Variants in CFH observed in about 807,000 individuals in gnomAD.
CFH encodes the protein H factor 1 (complement).
Under a neutral mutation model 147.3 loss-of-function variants are expected in CFH, and 53 were observed. The observed-to-expected ratio is 0.36, with a 90% confidence interval of 0.29 to 0.45. CFH has a LOEUF of 0.45. Among genes scored for constraint, CFH ranks in the 20% least tolerant of loss-of-function variants. The probability of loss-of-function intolerance (pLI) is 1.00; values close to 1 mark genes in which losing one functional copy is unlikely to be tolerated. For synonymous variants in CFH, 536 were observed against 489.4 expected (o/e 1.10, Z -1.26); for missense variants, 1,380 against 1,498.0 (o/e 0.92, Z 1.30).
intron 7 of CFH, 73 bp from the exon 8 acceptor site, chr1:196,689,347 A>C (rs1329316122): frequency 7.3e-7 from 1 of 1,372,212 alleles, no homozygotes; most frequent in Non-Finnish European, 1.0e-6. Context: ...TTCAGTGATA[A>C]AAATTTATCT....
intron 1 of CFH, among the ~76,000 whole-genome samples, chr1:196,672,031 AT>A (rs984069429): frequency 2.6e-5 from 4 of 151,928 alleles, no homozygotes; most frequent in Non-Finnish European, 4.4e-5. Context: ...AGTCAGATCC[AT>A]TTTCTTATTG....
rs2149115102 is a variant in CFH, at chr1:196,740,702, A to G, written c.2866A>G (p.Thr956Ala). 1.9e-6 allele frequency: 3 copies of G among 1,614,026 alleles called. No individual in the cohort carries two copies. Residue 956 changes from threonine to alanine, a missense_variant, in exon 18 of 22, where the codon ACG becomes GCG. Thr to Ala is a moderately conservative substitution (Grantham distance 58). Around this residue, in one of 4 missense-constraint regions of CFH, gnomAD observed 830 missense variants for 821.4 expected, o/e 1.01. Transcript: ENST00000367429. ...CAGTTATCAGTATGGAGAAGAAGTTACGTACAAATGTTTTGAAGGTTTTGG... is the reference window on the plus strand; with the variant it reads ...CAGTTATCAGTATGGAGAAGAAGTTGCGTACAAATGTTTTGAAGGTTTTGG... ...SDSYQYGEEV[T>A]YKCFEGFGID...
intron 7 of CFH, among the ~76,000 whole-genome samples, chr1:196,686,367 T>A (rs536214896): frequency 6.6e-6 from 1 of 152,232 alleles, no homozygotes; most frequent in South Asian, 2.1e-4. Flanking sequence ...ACTCCAAGTC[T>A]TAGTCATTTC....
Position 196,713,851 on chromosome 1 carries a change from G to C in CFH, c.1453G>C (p.Asp485His), listed in dbSNP as rs751462109. ...YQCKLGYVTA[D>H]GETSGSITCG... The stretch of plus-strand genomic sequence containing the variant: ...ATGCAAACTAGGATATGTAACAGCA[G>C]ATGGTGAAACATCAGGATCAATTAC... The change falls in exon 10 of 22, where the codon GAT becomes CAT. Residue 485 changes from aspartate to histidine, a missense_variant. Physicochemically the swap from Asp to His is moderately conservative, Grantham distance 81 (BLOSUM62 -1). Coordinates refer to ENST00000367429, the MANE Select transcript of CFH (RefSeq NM_000186.4). The C allele has an allele frequency of 1.2e-6, 2 of 1,612,802 alleles. No homozygotes were observed. The highest frequency in any genetic ancestry group is 2.2e-5 in the South Asian group (2 of 91,060).
intron 10 of CFH, among the ~76,000 whole-genome samples, chr1:196,714,436 A>G (rs1307213457): frequency 2.6e-5 from 4 of 151,084 alleles, no homozygotes; most frequent in Non-Finnish European, 5.9e-5. Context: ...GAGACAAAAT[A>G]TTCCTAGATG....
At position 196,677,633 on chromosome 1, in the gene CFH, T is replaced by C. The variant is rs1667504941; in HGVS notation, c.585T>C (p.Asp195=). Reference sequence around the variant, plus strand: ...ATGAAGAAATGCATTGTTCAGACGATGGTTTTTGGAGTAAAGAGAAACCAA... The same window carrying C: ...ATGAAGAAATGCATTGTTCAGACGACGGTTTTTGGAGTAAAGAGAAACCAA... ...EGDEEMHCSD[D]GFWSKEKPKC... The change falls in exon 5 of 22, where the codon GAT becomes GAC. Residue 195 remains aspartate (D), a synonymous_variant. Coordinates refer to ENST00000367429, the MANE Select transcript of CFH (RefSeq NM_000186.4). 2.5e-6 allele frequency: 4 copies of C among 1,613,010 alleles called. No individual in the cohort carries two copies. Among genetic ancestry groups the C allele is most frequent in the South Asian group, 1.1e-5 (1 of 91,068 alleles).
At chr1:196,689,216 A>G (rs1667939590) in intron 7 of CFH, among the ~76,000 whole-genome samples, 1 of 152,142 alleles carries the variant, frequency 6.6e-6, no homozygotes, top group South Asian at 2.1e-4. Flanking sequence ...TCCACAAGAC[A>G]TAATTTCATC....
rs1667584357 is a variant in CFH at position 196,679,727 on chromosome 1, G to A, written c.724G>A (p.Glu242Lys). 5 of 1,611,806 alleles carry A rather than the reference G, an allele frequency of 3.1e-6. No homozygotes were observed. The highest frequency in any genetic ancestry group is 4.2e-6 in the Non-Finnish European group (5 of 1,178,548). The change falls in exon 6 of 22, where the codon GAA becomes AAA. Residue 242 changes from glutamate to lysine, a missense_variant. Physicochemically the swap from Glu to Lys is moderately conservative, Grantham distance 56. Around this residue, in one of 4 missense-constraint regions of CFH, gnomAD observed 167 missense variants for 228.0 expected, o/e 0.73. Coordinates refer to ENST00000367429, the MANE Select transcript of CFH (RefSeq NM_000186.4). ...RFQYKCNMGY[E>K]YSERGDAVCT... is the part of the protein sequence containing the mutation. ...TCAATATAAATGTAACATGGGTTAT[G>A]AATACAGTGAAAGAGGAGATGCTGT...
At chr1:196,673,815 T>A in intron 2 of CFH, 42 bp from the exon 3 acceptor site, 2 of 1,186,120 alleles carry the variant, frequency 1.7e-6, no homozygotes, top group Non-Finnish European at 2.5e-6. Flanking sequence ...AATATATTCC[T>A]TGCTATTACA....
At chr1:196,733,054 C>T (rs919107403) in intron 15 of CFH, among the ~76,000 whole-genome samples, 4 of 151,966 alleles carry the variant, frequency 2.6e-5, no homozygotes, top group Non-Finnish European at 4.4e-5. Flanking sequence ...GTTAAGGAGA[C>T]GATCTCTTGA....
intron 1 of CFH, among the ~76,000 whole-genome samples, chr1:196,668,490 T>A (rs1364975185): frequency 1.3e-5 from 2 of 152,152 alleles, no homozygotes; most frequent in African/African-American, 2.4e-5. Flanking sequence ...TGGCTCTGTG[T>A]CCCCACCCAA....
At chr1:196,713,311 G>T (rs1378075232) in intron 9 of CFH, among the ~76,000 whole-genome samples, 1 of 152,064 alleles carries the variant, frequency 6.6e-6, no homozygotes, top group African/African-American at 2.4e-5. Flanking sequence ...AATTATTTTG[G>T]CAGATTTTCT....
At chr1:196,742,331 G>A (rs1027378147) in intron 19 of CFH, among the ~76,000 whole-genome samples, 9 of 152,144 alleles carry the variant, frequency 5.9e-5, no homozygotes, top group Non-Finnish European at 8.8e-5. Flanking sequence ...GGCCAAGATC[G>A]TGCCACTGCA....
At chr1:196,702,810 A>G (rs1419789436) in intron 9 of CFH, among the ~76,000 whole-genome samples, 1 of 152,166 alleles carries the variant, frequency 6.6e-6, no homozygotes, top group African/African-American at 2.4e-5. Context: ...TCAAAACTGC[A>G]TTTTGATCAG....
intron 9 of CFH, among the ~76,000 whole-genome samples, chr1:196,707,197 A>G (rs1351918575): frequency 1.3e-5 from 2 of 152,158 alleles, no homozygotes; most frequent in Non-Finnish European, 2.9e-5. Context: ...TTTGCCAAGA[A>G]ACTAACAACC....
At chr1:196,694,848 G>T (rs5981388) in intron 9 of CFH, among the ~76,000 whole-genome samples, 9 of 152,132 alleles carry the variant, frequency 5.9e-5, no homozygotes, top group African/African-American at 2.2e-4. Flanking sequence ...TTTTGATGGG[G>T]TTGTTTGTTT....
chr1:196,653,640 A>G (rs182107830), intron 1 of CFH, among the ~76,000 whole-genome samples: 1 of 152,198 alleles, frequency 6.6e-6, no homozygotes, highest in East Asian at 1.9e-4. Context: ...TTGAATTTGA[A>G]ATATTATTAA....
At position 196,747,281 on chromosome 1, in the gene CFH, A is replaced by G. The variant is rs1653050352; in HGVS notation, c.3664A>G (p.Lys1222Glu). 6.2e-7 allele frequency: 1 copy of G among 1,613,970 alleles called. No individual in the cohort carries two copies. Among genetic ancestry groups the G allele is most frequent in the Admixed American group, 1.7e-5 (1 of 59,998 alleles). The change falls in exon 22 of 22, where the codon AAA (lysine) becomes GAA (glutamate). Residue 1222 changes from lysine (K) to glutamate (E), a missense_variant. Transcript: ENST00000367429. ...ATTGCGAACAACATGTTGGGATGGG[A>G]AACTGGAGTATCCAACTTGTGCAAA... ...HTLRTTCWDGKLEYPTCAKR is the reference protein window; with the variant it reads ...HTLRTTCWDGELEYPTCAKR
At chr1:196,711,942 T>C (rs1668732446) in intron 9 of CFH, among the ~76,000 whole-genome samples, 1 of 152,144 alleles carries the variant, frequency 6.6e-6, no homozygotes. Context: ...CCATAGTTTC[T>C]TCTTTTCTCA....
Sources: gnomAD v4.1 joint callset for allele counts (sites outside exome capture counted in the v4.1 genomes callset) on GRCh38, gnomAD v4.1.1 for gene constraint, gnomAD v4.1.1 regional missense constraint, MANE v1.5 for transcripts, NCBI Gene and HGNC (gene_info 2026-07-23, HGNC 2026-07-21) for gene names.